CADPS2: variants seen among roughly 807,000 people sequenced by gnomAD.
The protein encoded by CADPS2 is calcium-dependent secretion activator 2.
In CADPS2, 93 loss-of-function variants were observed where a neutral mutation model predicts 172.5. That is an observed-to-expected ratio of 0.54 (90% confidence interval 0.46 to 0.64). The LOEUF is 0.64. CADPS2 is among the 30% of genes least tolerant of loss of function. The probability of loss-of-function intolerance (pLI) is 0.00; values close to 1 mark genes in which losing one functional copy is unlikely to be tolerated. For synonymous variants in CADPS2, 546 were observed against 555.2 expected (o/e 0.98, Z 0.23); for missense variants, 1,420 against 1,565.9 (o/e 0.91, Z 1.57).
chr7:122,814,532 T>C (rs1207669432), intron 1 of CADPS2, among the ~76,000 whole-genome samples: 1 of 152,098 alleles, frequency 6.6e-6, no homozygotes, highest in East Asian at 1.9e-4. Context: ...TCATGACATG[T>C]CAAAATTATA....
At chr7:122,517,894 T>C (rs1451036834) in intron 8 of CADPS2, among the ~76,000 whole-genome samples, 1 of 151,986 alleles carries the variant, frequency 6.6e-6, no homozygotes, top group Admixed American at 6.6e-5. Flanking sequence ...TTAGAAAACA[T>C]CTACAAAACT....
intron 2 of CADPS2, among the ~76,000 whole-genome samples, chr7:122,694,958 C>G (rs1402999542): frequency 6.6e-6 from 1 of 152,156 alleles, no homozygotes; most frequent in Non-Finnish European, 1.5e-5. Context: ...TACCTACGTG[C>G]TGCTTCAAAA....
At chr7:122,362,713 TG>T (rs2040325162) in intron 25 of CADPS2, among the ~76,000 whole-genome samples, 1 of 152,184 alleles carries the variant, frequency 6.6e-6, no homozygotes, top group East Asian at 1.9e-4. Context: ...TAACGAAGAC[TG>T]GTTTTTGTTC....
In CADPS2 at chr7:122,723,999, A is replaced by G. The variant is rs1191582938; in HGVS notation, c.453+12956T>C. ...ACAATGAGAACACATGGACACAGGA[A>G]GAGGAACATCACACACTGGGGCCTG... On this transcript the variant is annotated intron_variant, in intron 2 of 29. Coordinates refer to ENST00000449022, the MANE Select transcript of CADPS2 (RefSeq NM_017954.11). Among the ~76,000 whole-genome samples the G allele has an allele frequency of 1.1e-4, 15 of 138,274 alleles. No homozygotes were observed. The East Asian group carries it at 3.6e-3, about 34-fold the overall frequency. 90.7% of individuals were successfully genotyped at this position (138,274 alleles called of 152,430 possible). A position where few individuals can be genotyped will look rare whatever the true frequency, so the allele number is the denominator to read the frequency against.
intron 8 of CADPS2, among the ~76,000 whole-genome samples, chr7:122,515,250 G>A (rs1227931668): frequency 6.6e-6 from 1 of 151,990 alleles, no homozygotes; most frequent in Admixed American, 6.6e-5. Context: ...TTAATGACTG[G>A]CTGAGACATT....
intron 6 of CADPS2, among the ~76,000 whole-genome samples, chr7:122,582,279 A>G (rs2068937019): frequency 6.6e-6 from 1 of 152,114 alleles, no homozygotes; most frequent in African/African-American, 2.4e-5. Context: ...AGAGCTTACA[A>G]CATACAGAAA....
At chr7:122,527,385 G>A (rs1177928549) in intron 8 of CADPS2, among the ~76,000 whole-genome samples, 1 of 146,280 alleles carries the variant, frequency 6.8e-6, no homozygotes, top group African/African-American at 2.5e-5. Context: ...ATCTCAAAAT[G>A]CTACCAGATT....
chr7:122,833,364 T>A (rs900737268), intron 1 of CADPS2, among the ~76,000 whole-genome samples: 1 of 152,166 alleles, frequency 6.6e-6, no homozygotes, highest in Non-Finnish European at 1.5e-5. Context: ...TTTTATTTTA[T>A]TTTTGAGATG....
intron 15 of CADPS2, among the ~76,000 whole-genome samples, chr7:122,442,661 T>G (rs1256417466): frequency 6.6e-6 from 1 of 152,218 alleles, no homozygotes; most frequent in Non-Finnish European, 1.5e-5. Flanking sequence ...TAGAAGAGAT[T>G]GATTTCTCCT....
chr7:122,446,581 T>TC (rs917094707), intron 15 of CADPS2, among the ~76,000 whole-genome samples: 3 of 152,106 alleles, frequency 2.0e-5, no homozygotes, highest in African/African-American at 4.8e-5. Flanking sequence ...CATTAGAGAT[T>TC]CCCCCCATAA....
intron 7 of CADPS2, 140 bp downstream of exon 7, chr7:122,581,039 T>C: frequency 1.6e-6 from 1 of 613,096 alleles, no homozygotes. Flanking sequence ...AGGTGTATAC[T>C]GGGCTTGTGG....
chr7:122,567,716 T>C (rs1174468114), intron 7 of CADPS2, among the ~76,000 whole-genome samples: 1 of 152,156 alleles, frequency 6.6e-6, no homozygotes, highest in African/African-American at 2.4e-5. Context: ...TATAATATTG[T>C]AAGGTTCTTA....
At chr7:122,884,810 T>C (rs1417199308) in intron 1 of CADPS2, among the ~76,000 whole-genome samples, 2 of 152,188 alleles carry the variant, frequency 1.3e-5, no homozygotes, top group African/African-American at 4.8e-5. Context: ...GCACAGCTTT[T>C]TACATGTCAA....
At chr7:122,809,849 A>T (rs1799643667) in intron 1 of CADPS2, among the ~76,000 whole-genome samples, 1 of 152,180 alleles carries the variant, frequency 6.6e-6, no homozygotes, top group South Asian at 2.1e-4. Context: ...CTCTAAAGAC[A>T]ACAGATTCTC....
intron 1 of CADPS2, among the ~76,000 whole-genome samples, chr7:122,837,777 G>T (rs1809002467): frequency 6.6e-6 from 1 of 152,124 alleles, no homozygotes; most frequent in Non-Finnish European, 1.5e-5. Flanking sequence ...TGAAATTGAG[G>T]CAATAATTAA....
chr7:122,366,357 C>A (rs1208810652), intron 25 of CADPS2, among the ~76,000 whole-genome samples: 2 of 150,624 alleles, frequency 1.3e-5, no homozygotes. Flanking sequence ...GTAATCCCAG[C>A]ACTTTGGGAG....
intron 28 of CADPS2, among the ~76,000 whole-genome samples, chr7:122,332,506 A>G (rs2035140130): frequency 6.6e-6 from 1 of 151,746 alleles, no homozygotes; most frequent in South Asian, 2.1e-4. Context: ...TCCATCAGGC[A>G]GTTTGTAAAT....
intron 20 of CADPS2, among the ~76,000 whole-genome samples, chr7:122,404,752 T>C (rs142280585): frequency 1.3e-5 from 2 of 152,314 alleles, no homozygotes; most frequent in East Asian, 3.9e-4. Context: ...AATGCCTCAT[T>C]TTAAAATAAC....
At chr7:122,710,522 T>G (rs1411707070) in intron 2 of CADPS2, among the ~76,000 whole-genome samples, 2 of 152,124 alleles carry the variant, frequency 1.3e-5, no homozygotes, top group African/African-American at 4.8e-5. Context: ...AAGTAAAGTC[T>G]GCCTCTAGGG....
Sources: gnomAD v4.1 joint callset for allele counts (sites outside exome capture counted in the v4.1 genomes callset) on GRCh38, gnomAD v4.1.1 for gene constraint, MANE v1.5 for transcripts, NCBI Gene and HGNC (gene_info 2026-07-23, HGNC 2026-07-21) for gene names.